The following DENND6A variants were observed in gnomAD, a reference collection of about 807,000 sequenced individuals.
DENND6A encodes protein DENND6A.
DENND6A carries 43 observed loss-of-function variants against 95.5 expected under a neutral mutation model. The observed-to-expected ratio is 0.45, with a 90% CI of 0.35 to 0.58. The LOEUF is 0.58. Ranked by LOEUF, DENND6A falls within the 20% of genes least tolerant of loss-of-function variation. The pLI is 0.00. For missense variants in DENND6A, 574 were observed against 736.0 expected (o/e 0.78, Z 2.55); for synonymous variants, 257 against 260.4 (o/e 0.99, Z 0.13).
rs539174504 is a variant in DENND6A, at chr3:57,626,820, CAA to C, written c.*1392_*1393del. On this transcript the variant is annotated 3_prime_UTR_variant, in exon 20 of 20. Transcript: ENST00000311128. ...TTTTGGCAAGGTAGTATTGTTTAAA[CAA>C]AACAGAAACAAAAACAACAACAACA... The C allele has an allele frequency of 1.9e-3, 295 of 152,386 alleles. 1 individual carries two copies. The highest frequency in any genetic ancestry group is 6.8e-3 in the African/African-American group (283 of 41,484). 9.4% of individuals were successfully genotyped at this position (152,386 alleles called of 1,614,324 possible).
Position 57,634,778 on chromosome 3 carries a change from A to C in DENND6A, c.1133-9T>G. On this transcript the variant is annotated splice_polypyrimidine_tract_variant and intron_variant, in intron 12 of 19. Coordinates refer to ENST00000311128, the MANE Select transcript of DENND6A (RefSeq NM_152678.3). ...CTGCTTAGGAATTTCACCTGAAGGA[A>C]GCAGCATAAAGATTTTTATAATTAT... 3.9e-6 allele frequency: 6 copies of C among 1,542,886 alleles called. No individual in the cohort carries two copies. The highest frequency in any genetic ancestry group is 5.2e-6 in the Non-Finnish European group (6 of 1,147,194).
chr3:57,637,808 A>C (rs2070829570), intron 12 of DENND6A, among the ~76,000 whole-genome samples: 1 of 62,468 alleles, frequency 1.6e-5, no homozygotes, highest in South Asian at 1.1e-3. Context: ...AAGAAAACAA[A>C]AAAAATAAAT....
chr3:57,672,207 G>A, intron 3 of DENND6A, 49 bp downstream of exon 3: 1 of 1,501,280 alleles, frequency 6.7e-7, no homozygotes. Context: ...AGTATAACCA[G>A]TATTCTTAGT....
intron 9 of DENND6A, among the ~76,000 whole-genome samples, chr3:57,651,626 A>T (rs2071211295): frequency 6.6e-6 from 1 of 152,002 alleles, no homozygotes; most frequent in African/African-American, 2.4e-5. Flanking sequence ...AAACTAGTGA[A>T]TTGTACTTTA....
chr3:57,690,418 G>A (rs1300319569), intron 1 of DENND6A, among the ~76,000 whole-genome samples: 1 of 151,906 alleles, frequency 6.6e-6, no homozygotes, highest in Non-Finnish European at 1.5e-5. Context: ...GCAGGAGAAT[G>A]GCGTGAACCT....
chr3:57,643,771 G>A (rs2071003385), intron 11 of DENND6A, among the ~76,000 whole-genome samples: 1 of 149,190 alleles, frequency 6.7e-6, no homozygotes, highest in African/African-American at 2.5e-5. Flanking sequence ...AGTTTGCAGT[G>A]AGCTGAGGTC....
At chr3:57,634,796 A>G (rs752226459) in intron 12 of DENND6A, 27 bp from the exon 13 acceptor site, 10 of 1,511,590 alleles carry the variant, frequency 6.6e-6, no homozygotes, top group Middle Eastern at 2.2e-4. Flanking sequence ...AAAGATTTTT[A>G]TAATTATTCT....
At chr3:57,685,708 A>AT (rs1394081607) in intron 1 of DENND6A, among the ~76,000 whole-genome samples, 2 of 152,192 alleles carry the variant, frequency 1.3e-5, no homozygotes, top group African/African-American at 4.8e-5. Flanking sequence ...CTAGATTCTC[A>AT]TATCTGCTTC....
At chr3:57,691,927 A>AC (rs2077269358) in intron 1 of DENND6A, among the ~76,000 whole-genome samples, 2 of 123,494 alleles carry the variant, frequency 1.6e-5, no homozygotes, top group South Asian at 6.6e-4. Context: ...CAGAGGCAAC[A>AC]TAAAAAAAAA....
At chr3:57,677,419 CTTTTTTTTTTTTTTTT>C (rs71088101) in intron 1 of DENND6A, among the ~76,000 whole-genome samples, 9 of 68,708 alleles carry the variant, frequency 1.3e-4, no homozygotes, top group Non-Finnish European at 1.8e-4. Flanking sequence ...CTTTGTTGTC[CTTTTTTTTTTTTTTTT>C]TTTTTTTTTG....
At chr3:57,647,883 A>G (rs2071113318) in intron 9 of DENND6A, among the ~76,000 whole-genome samples, 1 of 151,988 alleles carries the variant, frequency 6.6e-6, no homozygotes, top group Non-Finnish European at 1.5e-5. Flanking sequence ...TCCAACAAGA[A>G]GAATCAGAGA....
intron 3 of DENND6A, among the ~76,000 whole-genome samples, chr3:57,667,853 G>T (rs1274322473): frequency 1.3e-5 from 2 of 152,068 alleles, no homozygotes; most frequent in Non-Finnish European, 2.9e-5. Context: ...ATCTCCTGAG[G>T]TCAGGAGTTT....
At chr3:57,652,495 T>C (rs2153414744) in intron 9 of DENND6A, among the ~76,000 whole-genome samples, 1 of 152,344 alleles carries the variant, frequency 6.6e-6, no homozygotes, top group African/African-American at 2.4e-5. Flanking sequence ...ACTACCCACC[T>C]AAGCAGCTCC....
At chr3:57,656,368 A>T (rs2071325866) in intron 9 of DENND6A, among the ~76,000 whole-genome samples, 1 of 152,024 alleles carries the variant, frequency 6.6e-6, no homozygotes, top group Admixed American at 6.6e-5. Context: ...TCTTTTTTTT[A>T]ACTGCTGAAT....
chr3:57,660,428 G>A (rs375880911), intron 7 of DENND6A, among the ~76,000 whole-genome samples: 8 of 152,106 alleles, frequency 5.3e-5, no homozygotes, highest in African/African-American at 1.9e-4. Context: ...GGATCCACCC[G>A]CCTCGGCCTC....
chr3:57,685,684 T>C (rs1438140196), intron 1 of DENND6A, among the ~76,000 whole-genome samples: 1 of 152,216 alleles, frequency 6.6e-6, no homozygotes, highest in Non-Finnish European at 1.5e-5. Flanking sequence ...TAATGTCTGA[T>C]TTAACAGAAA....
chr3:57,673,891 T>C (rs146473052), intron 1 of DENND6A, among the ~76,000 whole-genome samples: 1 of 152,198 alleles, frequency 6.6e-6, no homozygotes, highest in African/African-American at 2.4e-5. Context: ...TGCCTCAGCC[T>C]CCTGAGTAGC....
At chr3:57,668,719 T>C (rs2071565925) in intron 3 of DENND6A, among the ~76,000 whole-genome samples, 1 of 152,202 alleles carries the variant, frequency 6.6e-6, no homozygotes, top group Non-Finnish European at 1.5e-5. Context: ...CATTTTTTCA[T>C]CCAGTCTAAC....
intron 9 of DENND6A, among the ~76,000 whole-genome samples, chr3:57,656,137 G>T (rs1410404694): frequency 1.3e-5 from 2 of 152,092 alleles, no homozygotes; most frequent in Non-Finnish European, 2.9e-5. Flanking sequence ...CAAAGATCTA[G>T]AATAGTTCCA....
Sources: gnomAD v4.1 joint callset for allele counts (sites outside exome capture counted in the v4.1 genomes callset) on GRCh38, gnomAD v4.1.1 for gene constraint, MANE v1.5 for transcripts, NCBI Gene and HGNC (gene_info 2026-07-23, HGNC 2026-07-21) for gene names.